ALK: variants seen among roughly 807,000 people sequenced by gnomAD.
ALK encodes ALK receptor tyrosine kinase, also known as ALK tyrosine kinase receptor.
Under a neutral mutation model 163.1 loss-of-function variants are expected in ALK, and 74 were observed. That is an observed-to-expected ratio of 0.45 (90% CI 0.38 to 0.55). The LOEUF (loss-of-function observed/expected upper bound fraction) is 0.55. ALK is among the 20% of genes least tolerant of loss of function. The probability of loss-of-function intolerance (pLI) is 0.00; values close to 1 mark genes in which losing one functional copy is unlikely to be tolerated. For missense variants in ALK, 2,063 were observed against 2,105.3 expected, an observed-to-expected ratio of 0.98 and a Z score of 0.39; for synonymous variants, 960 against 843.2, an observed-to-expected ratio of 1.14 and a Z score of -2.40.
chr2:29,773,368 C>T (rs1681080763), intron 1 of ALK, among the ~76,000 whole-genome samples: 1 of 152,042 alleles, frequency 6.6e-6, no homozygotes, highest in Non-Finnish European at 1.5e-5. Context: ...AGAGAATTGG[C>T]CAAAACAATC....
At chr2:29,857,695 A>G (rs1666177179) in intron 1 of ALK, among the ~76,000 whole-genome samples, 1 of 152,242 alleles carries the variant, frequency 6.6e-6, no homozygotes, top group South Asian at 2.1e-4. Context: ...TACATTCTGG[A>G]GAGTGAGTAG....
intron 1 of ALK, among the ~76,000 whole-genome samples, chr2:29,767,059 G>A (rs1462011251): frequency 6.6e-6 from 1 of 152,142 alleles, no homozygotes; most frequent in Non-Finnish European, 1.5e-5. Flanking sequence ...TCTAGTTTTG[G>A]CAATGTACTA....
At chr2:29,638,059 G>A (rs1046288375) in intron 3 of ALK, among the ~76,000 whole-genome samples, 1 of 152,118 alleles carries the variant, frequency 6.6e-6, no homozygotes, top group Non-Finnish European at 1.5e-5. Flanking sequence ...AGAGGGCTGT[G>A]GAATATGTTC....
At chr2:29,469,735 G>A (rs1573380643) in intron 4 of ALK, among the ~76,000 whole-genome samples, 1 of 152,096 alleles carries the variant, frequency 6.6e-6, no homozygotes, top group East Asian at 1.9e-4. Flanking sequence ...CAGTCATTTA[G>A]TCATTCATTG....
intron 3 of ALK, among the ~76,000 whole-genome samples, chr2:29,584,237 A>G (rs1674808148): frequency 6.6e-6 from 1 of 152,222 alleles, no homozygotes; most frequent in Non-Finnish European, 1.5e-5. Context: ...GTCCATGAAC[A>G]TTCCATGATA....
At chr2:29,905,618 G>A (rs1254861799) in intron 1 of ALK, among the ~76,000 whole-genome samples, 1 of 150,904 alleles carries the variant, frequency 6.6e-6, no homozygotes, top group African/African-American at 2.4e-5. Context: ...AAGGGAGGAA[G>A]GAAGGAAGGA....
intron 3 of ALK, among the ~76,000 whole-genome samples, chr2:29,647,991 T>C (rs1318099685): frequency 6.6e-6 from 1 of 152,132 alleles, no homozygotes; most frequent in Admixed American, 6.6e-5. Flanking sequence ...AAAGTTATCA[T>C]GTTCATCTGT....
chr2:29,466,090 T>C (rs1671203591), intron 4 of ALK, among the ~76,000 whole-genome samples: 1 of 152,136 alleles, frequency 6.6e-6, no homozygotes. Flanking sequence ...AAAAGAAAGA[T>C]ATAGTTAATA....
chr2:29,433,138 A>C (rs1337292327), intron 4 of ALK, among the ~76,000 whole-genome samples: 4 of 152,216 alleles, frequency 2.6e-5, no homozygotes, highest in African/African-American at 7.2e-5. Flanking sequence ...GACACTATTG[A>C]ACCCATAGTA....
At chr2:29,310,582 TCTTAA>T (rs1475134365) in intron 8 of ALK, among the ~76,000 whole-genome samples, 2 of 152,236 alleles carry the variant, frequency 1.3e-5, no homozygotes, top group Non-Finnish European at 2.9e-5. Flanking sequence ...ATGTAAGTGT[TCTTAA>T]CTTTTCTGTA....
At chr2:29,760,617 A>G (rs528394442) in intron 1 of ALK, among the ~76,000 whole-genome samples, 2 of 152,300 alleles carry the variant, frequency 1.3e-5, no homozygotes, top group South Asian at 2.1e-4. Flanking sequence ...TAGTTGATCA[A>G]TGACCTGGTC....
rs557087099 is a variant in ALK, at chr2:29,802,948, G to C, written c.668-85251C>G. Among the ~76,000 whole-genome samples, 34 of 151,950 alleles carry C rather than the reference G, an allele frequency of 2.2e-4. No homozygotes were observed. In the East Asian group the frequency reaches 6.2e-3, roughly 28 times the overall value. On this transcript the variant is annotated intron_variant, in intron 1 of 28. Coordinates refer to ENST00000389048, the MANE Select transcript of ALK (RefSeq NM_004304.5). ...CATTTTGGCTTAGGTACAGTTCTCT[G>C]TTTCTTGGAAAAATGCAAATAACCT... is the stretch of plus-strand genomic sequence containing the variant.
intron 1 of ALK, among the ~76,000 whole-genome samples, chr2:29,876,563 T>C (rs1193105166): frequency 1.3e-5 from 2 of 151,716 alleles, no homozygotes; most frequent in African/African-American, 4.8e-5. Flanking sequence ...ATGGTAATGA[T>C]GATGCTGATG....
At chr2:29,520,739 T>C (rs994344611) in intron 4 of ALK, among the ~76,000 whole-genome samples, 9 of 152,096 alleles carry the variant, frequency 5.9e-5, no homozygotes, top group African/African-American at 1.4e-4. Context: ...GGTAGTTTGA[T>C]ACAAACGAAT....
At chr2:29,702,737 A>G (rs886085381) in intron 2 of ALK, among the ~76,000 whole-genome samples, 2 of 152,282 alleles carry the variant, frequency 1.3e-5, no homozygotes, top group African/African-American at 4.8e-5. Flanking sequence ...TGCACATCTT[A>G]CATGGCAGCA....
chr2:29,851,570 C>T (rs1286014345), intron 1 of ALK, among the ~76,000 whole-genome samples: 1 of 152,196 alleles, frequency 6.6e-6, no homozygotes, highest in African/African-American at 2.4e-5. Flanking sequence ...GAATCAGGCA[C>T]TCCTGGAGGG....
At chr2:29,866,862 T>C (rs773948363) in intron 1 of ALK, among the ~76,000 whole-genome samples, 9 of 152,214 alleles carry the variant, frequency 5.9e-5, no homozygotes, top group Non-Finnish European at 1.2e-4. Flanking sequence ...CTCCTGGGCC[T>C]CTCGGTTCCC....
intron 3 of ALK, among the ~76,000 whole-genome samples, chr2:29,582,154 G>A (rs1246620217): frequency 1.3e-5 from 2 of 152,208 alleles, no homozygotes; most frequent in Non-Finnish European, 2.9e-5. Context: ...TGCCTAGATA[G>A]AGCCACTTCT....
At chr2:29,307,198 T>C (rs1666549606) in intron 8 of ALK, among the ~76,000 whole-genome samples, 1 of 152,206 alleles carries the variant, frequency 6.6e-6, no homozygotes. Context: ...TACTGTGTGT[T>C]CAAAAGCCTG....
Sources: allele counts gnomAD v4.1 joint callset (sites outside exome capture counted in the v4.1 genomes callset), GRCh38; gene constraint gnomAD v4.1.1; transcripts MANE v1.5; gene names NCBI Gene and HGNC (gene_info 2026-07-23, HGNC 2026-07-21).